Variants in DPYD observed in about 807,000 individuals in gnomAD.
DPYD encodes dihydropyrimidine dehydrogenase [NADP(+)].
A neutral mutation model predicts 116.2 loss-of-function variants in DPYD; 109 were observed. The observed-to-expected ratio is 0.94, with a 90% confidence interval of 0.80 to 1.10. The LOEUF is 1.10. DPYD is among the 50% of genes least tolerant of loss of function. The probability of loss-of-function intolerance (pLI) is 0.00; values close to 1 mark genes in which losing one functional copy is unlikely to be tolerated. For missense variants in DPYD, 1,302 were observed against 1,254.5 expected (o/e 1.04, Z -0.57); for synonymous variants, 440 against 432.0 (o/e 1.02, Z -0.23).
rs535090726 is a variant in DPYD, at chr1:97,603,272, T to TAAAATACTA, written c.851-8115_851-8107dup. Reference sequence around the variant, plus strand: ...CCCAAAGTAAAGAAATCATTAATAATAAAATACTAAAAAGGAACAGTTATA... The same window carrying TAAAATACTA: ...CCCAAAGTAAAGAAATCATTAATAATAAAATACTAAAAATACTAAAAAGGAACAGTTATA... On this transcript the variant is annotated intron_variant, in intron 8 of 22. Coordinates refer to ENST00000370192, the MANE Select transcript of DPYD (RefSeq NM_000110.4). Among the ~76,000 whole-genome samples, 189 of 152,006 alleles carry TAAAATACTA rather than the reference T, an allele frequency of 1.2e-3. 2 individuals carry two copies. In the Middle Eastern group the frequency reaches 0.024, roughly 19 times the overall value.
intron 14 of DPYD, among the ~76,000 whole-genome samples, chr1:97,399,657 C>T (rs1673241859): frequency 6.6e-6 from 1 of 152,052 alleles, no homozygotes; most frequent in Admixed American, 6.6e-5. Context: ...TTGAAGAGGT[C>T]CTTCACATCC....
At chr1:97,660,757 A>T (rs950049023) in intron 8 of DPYD, among the ~76,000 whole-genome samples, 6 of 152,188 alleles carry the variant, frequency 3.9e-5, no homozygotes, top group Admixed American at 3.9e-4. Flanking sequence ...GTTCCACCTT[A>T]GAACTTTTTC....
At chr1:97,479,783 T>C (rs531137227) in intron 13 of DPYD, among the ~76,000 whole-genome samples, 1 of 152,234 alleles carries the variant, frequency 6.6e-6, no homozygotes, top group Non-Finnish European at 1.5e-5. Flanking sequence ...GTATTAGTCA[T>C]ATAAATTATG....
intron 3 of DPYD, among the ~76,000 whole-genome samples, chr1:97,827,181 C>T (rs1669282981): frequency 6.6e-6 from 1 of 152,158 alleles, no homozygotes; most frequent in East Asian, 1.9e-4. Context: ...AACTACCTTT[C>T]TAGGAAGCTC....
chr1:97,360,533 A>T (rs1249170410), intron 16 of DPYD, among the ~76,000 whole-genome samples: 1 of 152,184 alleles, frequency 6.6e-6, no homozygotes, highest in Non-Finnish European at 1.5e-5. Context: ...ACTAATTCCA[A>T]AATTGACCAC....
intron 1 of DPYD, among the ~76,000 whole-genome samples, chr1:97,914,381 C>A (rs1434116809): frequency 6.6e-6 from 1 of 152,050 alleles, no homozygotes; most frequent in Non-Finnish European, 1.5e-5. Context: ...TGAGTTTACT[C>A]CAGTTAGCAC....
In DPYD at chr1:97,130,832, CTTTCTCCTTCCT is replaced by C. The variant is rs1242373960; in HGVS notation, c.2623-32212_2623-32201del. On this transcript the variant is annotated intron_variant, in intron 20 of 22. Transcript: ENST00000370192. Reference sequence around the variant, plus strand: ...TTCTTTCTTTCTTCCTTTCTTTCTTCTTTCTCCTTCCTTCCTTCCTTCCTTCCTTCCTTCCTT... The same window carrying C: ...TTCTTTCTTTCTTCCTTTCTTTCTTCTCCTTCCTTCCTTCCTTCCTTCCTT... Among the ~76,000 whole-genome samples, 4 of 19,898 alleles carry C rather than the reference CTTTCTCCTTCCT, an allele frequency of 2.0e-4. No individual in the cohort carries two copies. The East Asian group carries it at 3.0e-3, about 15-fold the overall frequency. The allele number at this position is 19,898 out of a possible 152,430, so 13.1% of individuals were successfully genotyped here.
intron 2 of DPYD, among the ~76,000 whole-genome samples, chr1:97,859,722 A>G (rs1372388546): frequency 6.6e-6 from 1 of 152,182 alleles, no homozygotes; most frequent in Non-Finnish European, 1.5e-5. Flanking sequence ...AAGTCTCTTT[A>G]GTATACTAGT....
At chr1:97,737,293 A>T (rs954731507) in intron 4 of DPYD, among the ~76,000 whole-genome samples, 1 of 152,172 alleles carries the variant, frequency 6.6e-6, no homozygotes, top group African/African-American at 2.4e-5. Context: ...ATAAAGATGA[A>T]GGAAATGACC....
chr1:97,818,889 T>C (rs1317681403), intron 3 of DPYD, among the ~76,000 whole-genome samples: 2 of 152,000 alleles, frequency 1.3e-5, no homozygotes. Flanking sequence ...TATATAGGTG[T>C]ATAAAGACAT....
At chr1:97,506,142 A>G (rs1443459777) in intron 13 of DPYD, among the ~76,000 whole-genome samples, 3 of 152,040 alleles carry the variant, frequency 2.0e-5, no homozygotes, top group African/African-American at 7.2e-5. Context: ...AATTTTACTA[A>G]AACAGAGTCA....
intron 14 of DPYD, among the ~76,000 whole-genome samples, chr1:97,415,422 G>C (rs1170879312): frequency 6.6e-6 from 1 of 152,122 alleles, no homozygotes; most frequent in Non-Finnish European, 1.5e-5. Context: ...CCGCCACCAG[G>C]GCTCAAGCGA....
chr1:97,478,095 C>T (rs1408164267), intron 13 of DPYD, among the ~76,000 whole-genome samples: 1 of 152,156 alleles, frequency 6.6e-6, no homozygotes, highest in African/African-American at 2.4e-5. Flanking sequence ...GAAGACATCA[C>T]CACATTAATC....
At chr1:97,162,396 A>T (rs1444986361) in intron 20 of DPYD, among the ~76,000 whole-genome samples, 81 of 152,086 alleles carry the variant, frequency 5.3e-4, no homozygotes, top group East Asian at 3.3e-3. Context: ...TCAAAGAGAA[A>T]AAAATACCTA....
At chr1:97,105,587 T>A (rs981925501) in intron 20 of DPYD, among the ~76,000 whole-genome samples, 4 of 152,050 alleles carry the variant, frequency 2.6e-5, no homozygotes, top group African/African-American at 9.7e-5. Flanking sequence ...GATTCAGAAT[T>A]CAATGACAGC....
At chr1:97,229,552 A>G (rs1163325507) in intron 19 of DPYD, among the ~76,000 whole-genome samples, 63 of 30,148 alleles carry the variant, frequency 2.1e-3, no homozygotes, top group African/African-American at 8.5e-3. Flanking sequence ...CTAAGTATAT[A>G]TATATATATA....
intron 8 of DPYD, among the ~76,000 whole-genome samples, chr1:97,618,165 G>A (rs568713792): frequency 6.6e-6 from 1 of 152,146 alleles, no homozygotes; most frequent in South Asian, 2.1e-4. Flanking sequence ...TTAAAGCTTT[G>A]CCTTAGTACT....
chr1:97,315,284 T>C (rs1667755878), intron 16 of DPYD, among the ~76,000 whole-genome samples: 2 of 151,858 alleles, frequency 1.3e-5, no homozygotes, highest in South Asian at 4.1e-4. Context: ...ACTGGGGTCA[T>C]GCTCCTTTCA....
At chr1:97,312,365 A>G (rs1667571696) in intron 16 of DPYD, among the ~76,000 whole-genome samples, 1 of 151,900 alleles carries the variant, frequency 6.6e-6, no homozygotes, top group Admixed American at 6.6e-5. Context: ...GGTAATATGT[A>G]TAAAAATGTA....
Sources: gnomAD v4.1 joint callset for allele counts (sites outside exome capture counted in the v4.1 genomes callset) on GRCh38, gnomAD v4.1.1 for gene constraint, MANE v1.5 for transcripts, NCBI Gene and HGNC (gene_info 2026-07-23, HGNC 2026-07-21) for gene names.